CCDC12: variants seen among roughly 807,000 people sequenced by gnomAD.
CCDC12 encodes coiled-coil domain-containing protein 12.
In CCDC12, 28 loss-of-function variants were observed where a neutral mutation model predicts 25.7. The observed-to-expected ratio is 1.09, with a 90% CI of 0.81 to 1.50. The LOEUF is 1.50. Ranked by LOEUF, CCDC12 falls within the 40% of genes most tolerant of loss-of-function variation. The pLI is 0.00. For synonymous variants in CCDC12, 75 were observed against 87.7 expected, an observed-to-expected ratio of 0.86 and a Z score of 0.81; for missense variants, 198 against 210.0, an observed-to-expected ratio of 0.94 and a Z score of 0.35.
intron 2 of CCDC12, among the ~76,000 whole-genome samples, chr3:46,936,414 C>T (rs934156882): frequency 1.3e-5 from 2 of 152,328 alleles, no homozygotes; most frequent in South Asian, 2.1e-4. Context: ...GAGGACCTCA[C>T]GGTGCCTTCC....
At chr3:46,973,353 CA>C (rs71098438) in intron 1 of CCDC12, among the ~76,000 whole-genome samples, 62 of 103,920 alleles carry the variant, frequency 6.0e-4, no homozygotes, top group East Asian at 2.5e-3. Context: ...AGCTCCATCT[CA>C]AAAAAAAAAA....
intron 1 of CCDC12, among the ~76,000 whole-genome samples, chr3:46,951,280 G>C (rs1401900811): frequency 6.6e-6 from 1 of 152,162 alleles, no homozygotes; most frequent in Admixed American, 6.5e-5. Flanking sequence ...AGTTAGGCAG[G>C]AGGAGTGTGT....
At chr3:46,940,445 C>T (rs758497019) in intron 2 of CCDC12, among the ~76,000 whole-genome samples, 1 of 152,178 alleles carries the variant, frequency 6.6e-6, no homozygotes, top group Non-Finnish European at 1.5e-5. Flanking sequence ...ACACAGACAA[C>T]GAGAAAGGCG....
chr3:46,950,002 G>C (rs1196880553), intron 1 of CCDC12, among the ~76,000 whole-genome samples: 1 of 149,790 alleles, frequency 6.7e-6, no homozygotes, highest in Non-Finnish European at 1.5e-5. Flanking sequence ...CTCCAGCCTG[G>C]GTGACAGAGT....
intron 1 of CCDC12, among the ~76,000 whole-genome samples, chr3:46,963,396 TCTCCCTCTCCCTCTCCTCACGGTCTCCC>T (rs2034520685): frequency 4.3e-4 from 1 of 2,328 alleles, no homozygotes; most frequent in Non-Finnish European, 3.2e-3. Flanking sequence ...GCCCTCTCCC[TCTCCCTCTCCCTCTCCTCACGGTCTCCC>T]TCTCCCTCTC....
chr3:46,922,172 G>A, intron 6 of CCDC12, 33 bp from the exon 7 acceptor site: 2 of 1,614,182 alleles, frequency 1.2e-6, no homozygotes, highest in Non-Finnish European at 1.7e-6. Context: ...GGGGTGGGGA[G>A]GGGCCCGGTG....
At chr3:46,960,538 A>G (rs1461645816) in intron 1 of CCDC12, among the ~76,000 whole-genome samples, 1 of 152,238 alleles carries the variant, frequency 6.6e-6, no homozygotes, top group Non-Finnish European at 1.5e-5. Context: ...TTCTCTAGAC[A>G]GAGCAGCTCT....
chr3:46,957,797 G>A (rs2034338893), intron 1 of CCDC12, among the ~76,000 whole-genome samples: 1 of 151,842 alleles, frequency 6.6e-6, no homozygotes, highest in Admixed American at 6.6e-5. Context: ...CAAAAAATTA[G>A]CCGAGCATGG....
chr3:46,967,412 T>TC (rs1204973390), intron 1 of CCDC12, among the ~76,000 whole-genome samples: 1 of 151,814 alleles, frequency 6.6e-6, no homozygotes, highest in East Asian at 1.9e-4. Flanking sequence ...TCCACCCTCA[T>TC]CCCCCTTCCA....
chr3:46,981,731 G>C (rs2035359428), upstream of CCDC12, among the ~76,000 whole-genome samples: 1 of 152,206 alleles, frequency 6.6e-6, no homozygotes, highest in Non-Finnish European at 1.5e-5. Flanking sequence ...GCTGGTGAGT[G>C]TGAGGGATGT....
chr3:46,935,696 G>T (rs939492962), intron 2 of CCDC12, among the ~76,000 whole-genome samples: 1 of 152,142 alleles, frequency 6.6e-6, no homozygotes, highest in Non-Finnish European at 1.5e-5. Flanking sequence ...CAGAGACAGG[G>T]AAGAGTCAGC....
At chr3:46,931,590 T>C (rs567701897) in intron 2 of CCDC12, among the ~76,000 whole-genome samples, 1 of 100,970 alleles carries the variant, frequency 9.9e-6, no homozygotes, top group African/African-American at 3.1e-5. Context: ...TACTCCACAT[T>C]CACCTGCTGC....
chr3:46,955,458 AC>A (rs1321217986), intron 1 of CCDC12, among the ~76,000 whole-genome samples: 1 of 152,120 alleles, frequency 6.6e-6, no homozygotes, highest in Non-Finnish European at 1.5e-5. Flanking sequence ...AGAAGGTGGG[AC>A]CCGAGAACAC....
upstream of CCDC12, among the ~76,000 whole-genome samples, chr3:46,978,226 C>T (rs935853410): frequency 1.3e-5 from 2 of 152,212 alleles, no homozygotes; most frequent in Non-Finnish European, 2.9e-5. Context: ...GCCTTCTTCC[C>T]TGTAGTGGAT....
At chr3:46,935,603 C>A (rs2107125149) in intron 2 of CCDC12, among the ~76,000 whole-genome samples, 1 of 152,098 alleles carries the variant, frequency 6.6e-6, no homozygotes, top group East Asian at 1.9e-4. Flanking sequence ...CTTATCTGGG[C>A]AGTACACAGG....
chr3:46,945,805 T>C (rs902245123), intron 1 of CCDC12, among the ~76,000 whole-genome samples: 9 of 152,256 alleles, frequency 5.9e-5, no homozygotes, highest in African/African-American at 2.2e-4. Flanking sequence ...TATATTGTTC[T>C]CTTAATAGCC....
At chr3:46,928,928 C>T (rs1211940043) in intron 2 of CCDC12, among the ~76,000 whole-genome samples, 2 of 151,988 alleles carry the variant, frequency 1.3e-5, no homozygotes, top group East Asian at 1.9e-4. Context: ...GCGTTCAAGG[C>T]TGCAGAGAGC....
intron 2 of CCDC12, among the ~76,000 whole-genome samples, chr3:46,937,624 T>G (rs556988393): frequency 6.6e-6 from 1 of 152,334 alleles, no homozygotes; most frequent in East Asian, 1.9e-4. Context: ...GGGGGTTCTC[T>G]GGAATCAGCT....
chr3:46,973,878 C>G (rs1205986375), intron 1 of CCDC12, among the ~76,000 whole-genome samples: 1 of 152,164 alleles, frequency 6.6e-6, no homozygotes, highest in African/African-American at 2.4e-5. Flanking sequence ...TCCCAAAGTG[C>G]TGGGATTACA....
Sources: gnomAD v4.1 joint callset for allele counts (sites outside exome capture counted in the v4.1 genomes callset) on GRCh38, gnomAD v4.1.1 for gene constraint, MANE v1.5 for transcripts, NCBI Gene and HGNC (gene_info 2026-07-23, HGNC 2026-07-21) for gene names.